Variants in ANKS1B observed in about 807,000 individuals in gnomAD.
The protein encoded by ANKS1B is ankyrin repeat and sterile alpha motif domain-containing protein 1B.
A neutral mutation model predicts 148.3 loss-of-function variants in ANKS1B; 36 were observed. The observed-to-expected ratio is 0.24, with a 90% CI of 0.19 to 0.32. ANKS1B has a LOEUF of 0.32. Ranked by LOEUF, ANKS1B falls within the 10% of genes least tolerant of loss-of-function variation. The pLI is 1.00. For synonymous variants in ANKS1B, 542 were observed against 560.8 expected (o/e 0.97, Z 0.47); for missense variants, 1,157 against 1,542.6 (o/e 0.75, Z 4.19).
intron 17 of ANKS1B, among the ~76,000 whole-genome samples, chr12:98,961,693 T>C (rs2099871686): frequency 6.6e-6 from 1 of 151,976 alleles, no homozygotes; most frequent in Non-Finnish European, 1.5e-5. Flanking sequence ...TCTCAAGAAA[T>C]AGACAGTACA....
intron 1 of ANKS1B, among the ~76,000 whole-genome samples, chr12:99,832,575 T>C (rs2084186691): frequency 6.6e-6 from 1 of 151,440 alleles, no homozygotes; most frequent in African/African-American, 2.4e-5. Flanking sequence ...AATACAAAAA[T>C]TAGCCAGGCA....
At chr12:99,140,339 T>C (rs141422754) in intron 15 of ANKS1B, among the ~76,000 whole-genome samples, 1 of 152,316 alleles carries the variant, frequency 6.6e-6, no homozygotes, top group East Asian at 1.9e-4. Context: ...TAAAGTTATT[T>C]GATTTAAGGT....
rs564126690 is a variant in ANKS1B at position 99,270,217 on chromosome 12, C to T, written c.1757-23353G>A. On this transcript the variant is annotated intron_variant, in intron 12 of 26. Transcript: ENST00000683438. ...TTACCTAGTCAGTATCTCAGCCCAT[C>T]GGATTTTATCTCCTTTTCTAAAATT... Among the ~76,000 whole-genome samples the T allele has an allele frequency of 4.5e-4, 69 of 152,262 alleles. 1 individual carries two copies. Among genetic ancestry groups the T allele is most frequent in the Non-Finnish European group, 7.9e-4 (54 of 68,010 alleles).
intron 2 of ANKS1B, among the ~76,000 whole-genome samples, chr12:99,821,482 A>C (rs1289397242): frequency 2.0e-5 from 3 of 152,082 alleles, no homozygotes; most frequent in Middle Eastern, 6.8e-3. Context: ...AAAAAAAAAA[A>C]AATTATGCCA....
intron 1 of ANKS1B, among the ~76,000 whole-genome samples, chr12:99,855,288 T>C (rs926822883): frequency 6.6e-6 from 1 of 151,874 alleles, no homozygotes; most frequent in Non-Finnish European, 1.5e-5. Flanking sequence ...TATTCTTATA[T>C]TGCAACAGCA....
At position 98,745,720 on chromosome 12, in the gene ANKS1B, G is replaced by C. The variant is rs1425364565; in HGVS notation, c.*19C>G. On this transcript the variant is annotated 3_prime_UTR_variant, in exon 27 of 27. Coordinates refer to ENST00000683438, the MANE Select transcript of ANKS1B (RefSeq NM_001352186.2). ...CGCTTGGCGAGCAAGGCACCGCGAGGACAGGAGGACGGCGAGTATCAGAAA... is the reference window on the plus strand; with the variant it reads ...CGCTTGGCGAGCAAGGCACCGCGAGCACAGGAGGACGGCGAGTATCAGAAA... 1 of 1,612,356 alleles carries C rather than the reference G, an allele frequency of 6.2e-7. No homozygotes were observed. Among genetic ancestry groups the C allele is most frequent in the Non-Finnish European group, 8.5e-7 (1 of 1,179,120 alleles).
rs532693989 is a variant in ANKS1B, at chr12:99,883,638, C to A, written c.135-58249G>T. Among the ~76,000 whole-genome samples, 6 of 152,286 alleles carry A rather than the reference C, an allele frequency of 3.9e-5. No homozygotes were observed. The South Asian group carries it at 1.2e-3, about 32-fold the overall frequency. On this transcript the variant is annotated intron_variant, in intron 1 of 26. Coordinates refer to ENST00000683438, the MANE Select transcript of ANKS1B (RefSeq NM_001352186.2). ...GGGCAGGGGGGAATCTGCAAATCGG[C>A]CGGGCACAGTGGCTCACGCCTGTAA...
intron 19 of ANKS1B, among the ~76,000 whole-genome samples, chr12:98,817,251 A>G (rs2099148883): frequency 6.6e-6 from 1 of 152,270 alleles, no homozygotes; most frequent in South Asian, 2.1e-4. Context: ...ATCCCAGCAA[A>G]GGAAGCCTTA....
chr12:99,663,345 A>G (rs1236351473), intron 8 of ANKS1B, among the ~76,000 whole-genome samples: 1 of 152,160 alleles, frequency 6.6e-6, no homozygotes, highest in Non-Finnish European at 1.5e-5. Context: ...AGTTGAACAT[A>G]TTAGCTATGA....
At chr12:99,908,508 G>A (rs1365930991) in intron 1 of ANKS1B, among the ~76,000 whole-genome samples, 1 of 152,122 alleles carries the variant, frequency 6.6e-6, no homozygotes. Flanking sequence ...CAAGCCCGGG[G>A]AAGTCAAGGC....
chr12:99,206,664 C>A (rs1475791624), intron 14 of ANKS1B, among the ~76,000 whole-genome samples: 1 of 152,062 alleles, frequency 6.6e-6, no homozygotes, highest in African/African-American at 2.4e-5. Context: ...AGGTTTGCTT[C>A]TTTTTTAGAG....
intron 17 of ANKS1B, among the ~76,000 whole-genome samples, chr12:98,845,979 T>TATACAG (rs370978686): frequency 8.3e-6 from 1 of 120,576 alleles, no homozygotes; most frequent in African/African-American, 2.9e-5. Context: ...TATATATATA[T>TATACAG]ACACACACAC....
chr12:99,735,429 C>T (rs769330294), intron 8 of ANKS1B, among the ~76,000 whole-genome samples: 31 of 152,104 alleles, frequency 2.0e-4, no homozygotes, highest in Non-Finnish European at 3.7e-4. Flanking sequence ...AGAAATGGAA[C>T]ATCACAACCA....
At chr12:99,626,740 A>C (rs1043734364) in intron 9 of ANKS1B, among the ~76,000 whole-genome samples, 16 of 152,144 alleles carry the variant, frequency 1.1e-4, no homozygotes, top group African/African-American at 3.1e-4. Context: ...CTGGGAATCT[A>C]GGGTTTGGTA....
intron 15 of ANKS1B, among the ~76,000 whole-genome samples, chr12:99,105,948 AG>A (rs1282393655): frequency 3.3e-5 from 5 of 152,166 alleles, no homozygotes; most frequent in African/African-American, 1.2e-4. Context: ...AGGCTGATTC[AG>A]GTCAAGACCC....
intron 11 of ANKS1B, among the ~76,000 whole-genome samples, chr12:99,402,855 G>A (rs1026792219): frequency 1.4e-5 from 2 of 145,608 alleles, no homozygotes; most frequent in Non-Finnish European, 3.0e-5. Flanking sequence ...TTACTGGATC[G>A]AATGGTATTT....
intron 12 of ANKS1B, among the ~76,000 whole-genome samples, chr12:99,333,534 G>GA (rs11383639): frequency 0.082 from 12,474 of 151,956 alleles, 1,244 homozygotes; most frequent in African/African-American, 0.24. Context: ...GGTCACCAAG[G>GA]AAAAAATCTC....
At chr12:99,583,112 A>T (rs1184704344) in intron 9 of ANKS1B, among the ~76,000 whole-genome samples, 2 of 152,184 alleles carry the variant, frequency 1.3e-5, no homozygotes, top group South Asian at 4.1e-4. Flanking sequence ...GATACAACAC[A>T]TACAGTCTAC....
At chr12:99,192,772 A>G (rs2080902820) in intron 14 of ANKS1B, among the ~76,000 whole-genome samples, 1 of 152,154 alleles carries the variant, frequency 6.6e-6, no homozygotes, top group Non-Finnish European at 1.5e-5. Flanking sequence ...TATAGGGACT[A>G]TTATGTAAAA....
Sources: allele counts gnomAD v4.1 joint callset (sites outside exome capture counted in the v4.1 genomes callset), GRCh38; gene constraint gnomAD v4.1.1; transcripts MANE v1.5; gene names NCBI Gene and HGNC (gene_info 2026-07-23, HGNC 2026-07-21).